Variants in UBE2W observed in about 807,000 individuals in gnomAD.
The protein encoded by UBE2W is ubiquitin-conjugating enzyme E2 W.
UBE2W carries 18 observed loss-of-function variants against 27.2 expected under a neutral mutation model. The ratio of observed to expected loss-of-function variants is 0.66; its 90% confidence interval spans 0.46 to 0.98. The LOEUF is 0.98. UBE2W is among the 50% of genes least tolerant of loss of function. The probability of loss-of-function intolerance (pLI) is 0.00; values close to 1 mark genes in which losing one functional copy is unlikely to be tolerated. For missense variants in UBE2W, 90 were observed against 180.2 expected, an observed-to-expected ratio of 0.50 and a Z score of 2.87; for synonymous variants, 53 against 57.2, an observed-to-expected ratio of 0.93 and a Z score of 0.33.
At chr8:73,823,898 G>A (rs1809724317) in intron 3 of UBE2W, among the ~76,000 whole-genome samples, 1 of 152,138 alleles carries the variant, frequency 6.6e-6, no homozygotes, top group African/African-American at 2.4e-5. Context: ...AGATTAAGCT[G>A]TGTTTGGTAT....
chr8:73,798,001 GT>G (rs1299951983), intron 5 of UBE2W, among the ~76,000 whole-genome samples: 2 of 152,182 alleles, frequency 1.3e-5, no homozygotes, highest in African/African-American at 4.8e-5. Flanking sequence ...TTAAAATGCT[GT>G]ATAGGTCCAG....
Position 73,787,097 on chromosome 8 carries a change from C to T in UBE2W, c.*7005G>A, listed in dbSNP as rs957485874. On this transcript the variant is annotated 3_prime_UTR_variant, in exon 6 of 6. Transcript: ENST00000602593. ...CCATAATCCACTTAACTGTAAAGGG[C>T]GTAGGGATTCCCACTTATGTATTTT... 4 of 985,228 alleles carry T rather than the reference C, an allele frequency of 4.1e-6. No homozygotes were observed. Among genetic ancestry groups the T allele is most frequent in the East Asian group, 2.3e-4 (2 of 8,828 alleles). 61.0% of individuals were successfully genotyped at this position (985,228 alleles called of 1,614,324 possible).
In UBE2W at chr8:73,788,612, G is replaced by C. The variant is rs543383683; in HGVS notation, c.*5490C>G. On this transcript the variant is annotated 3_prime_UTR_variant, in exon 6 of 6. Coordinates refer to ENST00000602593, the MANE Select transcript of UBE2W (RefSeq NM_018299.6). ...TATGGTAGATTTCAGGCTTTAAATT[G>C]TAAGTTTCAGGCTTCAAAAGAGGCA... 3.0e-6 allele frequency: 3 copies of C among 985,384 alleles called. No individual in the cohort carries two copies. Among genetic ancestry groups the C allele is most frequent in the South Asian group, 9.4e-5 (2 of 21,290 alleles). 61.0% of individuals were successfully genotyped at this position (985,384 alleles called of 1,614,324 possible).
intron 1 of UBE2W, among the ~76,000 whole-genome samples, chr8:73,863,413 C>T (rs1247263456): frequency 1.4e-5 from 2 of 146,590 alleles, no homozygotes; most frequent in Admixed American, 6.9e-5. Flanking sequence ...GAGTATCACA[C>T]TCTGGGGACT....
intron 1 of UBE2W, among the ~76,000 whole-genome samples, chr8:73,842,732 T>C (rs1450331010): frequency 2.0e-5 from 3 of 152,038 alleles, no homozygotes; most frequent in Non-Finnish European, 4.4e-5. Context: ...ATTTTGTACT[T>C]GGAAATGGCA....
intron 5 of UBE2W, among the ~76,000 whole-genome samples, chr8:73,800,899 C>T (rs1808609635): frequency 6.6e-6 from 1 of 152,106 alleles, no homozygotes; most frequent in South Asian, 2.1e-4. Flanking sequence ...TCAAGACCAG[C>T]CTGACCAACA....
intron 1 of UBE2W, among the ~76,000 whole-genome samples, chr8:73,855,483 C>A (rs1393506923): frequency 6.7e-6 from 1 of 148,506 alleles, no homozygotes; most frequent in African/African-American, 2.5e-5. Context: ...CTCACTGCAA[C>A]CTCCGCCTCA....
Position 73,805,472 on chromosome 8 carries a change from C to CAAAAAAAAAAAAAAAAAAAAAAAA in UBE2W, c.442+178_442+179insTTTTTTTTTTTTTTTTTTTTTTTT. ...TCCATCTCAAAAAAAAAAAAAAAAACAAAAAAAACTAGGGTAATTCATCCA... is the reference window on the plus strand; with the variant it reads ...TCCATCTCAAAAAAAAAAAAAAAAACAAAAAAAAAAAAAAAAAAAAAAAAAAAAAAAACTAGGGTAATTCATCCA... On this transcript the variant is annotated intron_variant, in intron 5 of 5. Coordinates refer to ENST00000602593, the MANE Select transcript of UBE2W (RefSeq NM_018299.6). Among the ~76,000 whole-genome samples, 18 of 43,688 alleles carry CAAAAAAAAAAAAAAAAAAAAAAAA rather than the reference C, an allele frequency of 4.1e-4. 3 individuals are homozygous for CAAAAAAAAAAAAAAAAAAAAAAAA. Among genetic ancestry groups the CAAAAAAAAAAAAAAAAAAAAAAAA allele is most frequent in the East Asian group, 2.2e-3 (2 of 910 alleles). The allele number at this position is 43,688 out of a possible 152,430, so 28.7% of individuals were successfully genotyped here. A position where few individuals can be genotyped will look rare whatever the true frequency, so the allele number is the denominator to read the frequency against.
intron 1 of UBE2W, among the ~76,000 whole-genome samples, chr8:73,865,955 A>G (rs1047234087): frequency 3.9e-5 from 6 of 152,134 alleles, no homozygotes; most frequent in Non-Finnish European, 5.9e-5. Flanking sequence ...TCTTTTAATT[A>G]CAATAAAGGC....
intron 3 of UBE2W, among the ~76,000 whole-genome samples, chr8:73,820,123 G>A (rs138529983): frequency 4.0e-4 from 61 of 152,182 alleles, no homozygotes; most frequent in Admixed American, 3.3e-3. Flanking sequence ...ACTAATTTAG[G>A]TAACAAGTGC....
intron 5 of UBE2W, among the ~76,000 whole-genome samples, chr8:73,803,105 C>G (rs1159573465): frequency 1.3e-5 from 2 of 151,892 alleles, no homozygotes; most frequent in East Asian, 3.9e-4. Context: ...ATCCCAGCTA[C>G]TAGGGAGGCT....
At chr8:73,862,862 G>T (rs1252124352) in intron 1 of UBE2W, among the ~76,000 whole-genome samples, 5 of 144,574 alleles carry the variant, frequency 3.5e-5, no homozygotes, top group Admixed American at 2.1e-4. Flanking sequence ...GAAATGCAAA[G>T]CAAAACCACA....
chr8:73,863,460 G>A (rs1467089120), intron 1 of UBE2W, among the ~76,000 whole-genome samples: 1 of 150,582 alleles, frequency 6.6e-6, no homozygotes, highest in East Asian at 2.0e-4. Context: ...GATAGCATTG[G>A]GAGATATACC....
chr8:73,836,637 T>C (rs1810318401), intron 1 of UBE2W, among the ~76,000 whole-genome samples: 1 of 152,214 alleles, frequency 6.6e-6, no homozygotes, highest in Admixed American at 6.6e-5. Flanking sequence ...ATTTTGTTTG[T>C]AAATATGAAG....
chr8:73,860,395 C>T (rs370047016), intron 1 of UBE2W, among the ~76,000 whole-genome samples: 2 of 152,282 alleles, frequency 1.3e-5, no homozygotes, highest in East Asian at 3.8e-4. Flanking sequence ...CTGTGTTTTC[C>T]TATCACTTCT....
intron 3 of UBE2W, among the ~76,000 whole-genome samples, chr8:73,822,615 A>T (rs894628879): frequency 2.3e-4 from 33 of 141,142 alleles, no homozygotes; most frequent in African/African-American, 9.2e-4. Flanking sequence ...AAAAAAAAAA[A>T]AAAAAAAAAA....
chr8:73,855,320 AGC>A lies in UBE2W; in HGVS notation c.15+23486_15+23487del, dbSNP rs138564504. 1.8e-3 allele frequency among the ~76,000 whole-genome samples: 268 copies of A among 152,188 alleles called. 4 individuals are homozygous for A. The East Asian group carries it at 0.047, about 26-fold the overall frequency. ...GGATATTCCCAACACTTGAGCTCACAGCAATAGCAACAGAAGGTGATTATGAA... is the reference window on the plus strand; with the variant it reads ...GGATATTCCCAACACTTGAGCTCACAAATAGCAACAGAAGGTGATTATGAA... On this transcript the variant is annotated intron_variant, in intron 1 of 5. Coordinates refer to ENST00000602593, the MANE Select transcript of UBE2W (RefSeq NM_018299.6).
chr8:73,868,797 T>C (rs961004225), intron 1 of UBE2W, among the ~76,000 whole-genome samples: 1 of 152,136 alleles, frequency 6.6e-6, no homozygotes, highest in Non-Finnish European at 1.5e-5. Flanking sequence ...TTTTTCTCTA[T>C]AGACTTAGAA....
rs116885018 is a variant in UBE2W, at chr8:73,843,530, G to A, written c.16-13058C>T. ...ATGCACCTGTAGTCCTAGCTACTCC[G>A]GAAACTGAGGGGGAAAGATTTCTTG... On this transcript the variant is annotated intron_variant, in intron 1 of 5. Coordinates refer to ENST00000602593, the MANE Select transcript of UBE2W (RefSeq NM_018299.6). 2.7e-3 allele frequency among the ~76,000 whole-genome samples: 404 copies of A among 152,096 alleles called. 2 individuals are homozygous for A. The highest frequency in any genetic ancestry group is 4.9e-3 in the Non-Finnish European group (331 of 67,994).
Sources: gnomAD v4.1 joint callset for allele counts (sites outside exome capture counted in the v4.1 genomes callset) on GRCh38, gnomAD v4.1.1 for gene constraint, MANE v1.5 for transcripts, NCBI Gene and HGNC (gene_info 2026-07-23, HGNC 2026-07-21) for gene names.